The following SLC17A1 variants were observed in gnomAD, a reference collection of about 807,000 sequenced individuals.
SLC17A1 encodes solute carrier family 17 member 1.
Under a neutral mutation model 53.5 loss-of-function variants are expected in SLC17A1, and 51 were observed. That is an observed-to-expected ratio of 0.95 (90% CI 0.76 to 1.20). SLC17A1 has a LOEUF of 1.20. Ranked by LOEUF, SLC17A1 falls within the 50% of genes most tolerant of loss-of-function variation. The pLI is 0.00. For missense variants in SLC17A1, 538 were observed against 568.2 expected (o/e 0.95, Z 0.54); for synonymous variants, 179 against 198.8 (o/e 0.90, Z 0.84).
At chr6:25,805,699 C>G (rs1763928566) in intron 10 of SLC17A1, among the ~76,000 whole-genome samples, 1 of 151,902 alleles carries the variant, frequency 6.6e-6, no homozygotes, top group African/African-American at 2.4e-5. Flanking sequence ...GTAACTAATA[C>G]TACAGAAATA....
At chr6:25,726,155 G>A in the SLC17A1 span, 2 of 1,556,808 alleles carry the variant, frequency 1.3e-6, no homozygotes, top group Middle Eastern at 1.7e-4. Flanking sequence ...GCTTTATGGT[G>A]GTGACTCTCA....
At chr6:25,733,423 A>G in the SLC17A1 span, among the ~76,000 whole-genome samples, 1 of 152,098 alleles carries the variant, frequency 6.6e-6, no homozygotes, top group Non-Finnish European at 1.5e-5. Context: ...GCATATCTAA[A>G]CATACTCCTA....
At chr6:25,740,967 G>T in the SLC17A1 span, among the ~76,000 whole-genome samples, 1 of 152,178 alleles carries the variant, frequency 6.6e-6, no homozygotes, top group African/African-American at 2.4e-5. Context: ...AGCTAAAAAA[G>T]TTGATCTCAT....
At chr6:25,805,383 G>A (rs974294723) in intron 10 of SLC17A1, among the ~76,000 whole-genome samples, 6 of 152,002 alleles carry the variant, frequency 3.9e-5, no homozygotes, top group African/African-American at 1.4e-4. Flanking sequence ...GCAATGCTAA[G>A]AGGAAAGTTT....
At chr6:25,738,051 C>A in the SLC17A1 span, among the ~76,000 whole-genome samples, 1 of 152,144 alleles carries the variant, frequency 6.6e-6, no homozygotes, top group African/African-American at 2.4e-5. Flanking sequence ...CCTATATTCA[C>A]AGATGATATG....
At chr6:25,823,349 G>A (rs1764631601) in intron 3 of SLC17A1, among the ~76,000 whole-genome samples, 1 of 152,130 alleles carries the variant, frequency 6.6e-6, no homozygotes, top group Non-Finnish European at 1.5e-5. Flanking sequence ...TGGAATGGCT[G>A]TCTCATATGG....
chr6:25,762,101 G>A, the SLC17A1 span: 544 of 1,527,830 alleles, frequency 3.6e-4, no homozygotes, highest in Non-Finnish European at 4.7e-4. Context: ...TAGGATCTGT[G>A]GCACTGTAAC....
rs763715410 is a variant in SLC17A1, at chr6:25,811,398, C to A, written c.1178G>T (p.Arg393Ile). The A allele has an allele frequency of 3.1e-6, 5 of 1,608,198 alleles. No homozygotes were observed. The South Asian group carries it at 5.6e-5, about 18-fold the overall frequency. ...VFINGLDIAPRYFGFIKACST... is the reference protein window; with the variant it reads ...VFINGLDIAPIYFGFIKACST... ...AAAAAAGCGTATAAACAAATCCTAC[C>A]TGGGAGCAATATCCAAGCCATTTAT... Residue 393 changes from arginine to isoleucine, a missense_variant and splice_region_variant, in exon 10 of 13, where the codon AGA becomes ATA. Transcript: ENST00000244527.
chr6:25,777,800 G>C, the SLC17A1 span: 1 of 715,866 alleles, frequency 1.4e-6, no homozygotes, highest in Non-Finnish European at 2.4e-6. Context: ...TAAGCACAGA[G>C]TTGCAGCAGA....
At chr6:25,735,540 A>G in the SLC17A1 span, among the ~76,000 whole-genome samples, 1 of 152,108 alleles carries the variant, frequency 6.6e-6, no homozygotes, top group Non-Finnish European at 1.5e-5. Flanking sequence ...TACCCAAACC[A>G]TACAGTAGAG....
Position 25,811,561 on chromosome 6 carries a change from G to A in SLC17A1, c.1031-16C>T, listed in dbSNP as rs985765212. ...AGGAGAAATCCTGGGGAGTGATTCAGACAACATAGTCAGGTGCATCCTAAA... is the reference window on the plus strand; with the variant it reads ...AGGAGAAATCCTGGGGAGTGATTCAAACAACATAGTCAGGTGCATCCTAAA... On this transcript the variant is annotated splice_polypyrimidine_tract_variant and intron_variant, in intron 9 of 12. Coordinates refer to ENST00000244527, the MANE Select transcript of SLC17A1 (RefSeq NM_005074.5). 1.5e-5 allele frequency: 25 copies of A among 1,613,554 alleles called. No individual in the cohort carries two copies. Among genetic ancestry groups the A allele is most frequent in the Non-Finnish European group, 1.9e-5 (22 of 1,179,772 alleles).
At chr6:25,800,816 A>T in intron 11 of SLC17A1, 74 bp downstream of exon 11, 1 of 957,748 alleles carries the variant, frequency 1.0e-6, no homozygotes, top group Non-Finnish European at 1.6e-6. Flanking sequence ...TCTTCTCTGC[A>T]ATTTTTCATA....
downstream of SLC17A1, among the ~76,000 whole-genome samples, chr6:25,778,311 A>G (rs1422509282): frequency 2.6e-5 from 4 of 151,834 alleles, no homozygotes; most frequent in East Asian, 7.7e-4. Context: ...GAAAAACCAC[A>G]GGAAAGTTAA....
the SLC17A1 span, among the ~76,000 whole-genome samples, chr6:25,748,005 G>C: frequency 2.0e-5 from 3 of 152,162 alleles, no homozygotes; most frequent in South Asian, 2.1e-4. Context: ...AAATTTGCTA[G>C]AAGGGCATAT....
intron 10 of SLC17A1, among the ~76,000 whole-genome samples, chr6:25,805,193 A>G (rs371522088): frequency 2.6e-5 from 4 of 152,112 alleles, no homozygotes; most frequent in East Asian, 1.9e-4. Flanking sequence ...TAAAAATTAT[A>G]TCAAGTATCT....
At chr6:25,824,050 TA>T (rs1764655564) in intron 3 of SLC17A1, among the ~76,000 whole-genome samples, 2 of 151,862 alleles carry the variant, frequency 1.3e-5, no homozygotes. Context: ...CATCCATATG[TA>T]AAAAAAGATA....
chr6:25,788,737 G>C (rs1478375023), intron 12 of SLC17A1, among the ~76,000 whole-genome samples: 2 of 152,156 alleles, frequency 1.3e-5, no homozygotes, highest in Non-Finnish European at 2.9e-5. Flanking sequence ...ATCCACAAGG[G>C]GGCATCAGAG....
chr6:25,784,910 C>T (rs1273478505), intron 12 of SLC17A1, among the ~76,000 whole-genome samples: 2 of 152,092 alleles, frequency 1.3e-5, no homozygotes, highest in Non-Finnish European at 2.9e-5. Context: ...GGGTTCTATA[C>T]AGGGCAATTA....
chr6:25,788,053 C>A (rs553333351), intron 12 of SLC17A1, among the ~76,000 whole-genome samples: 1 of 152,046 alleles, frequency 6.6e-6, no homozygotes, highest in Non-Finnish European at 1.5e-5. Flanking sequence ...TCTGTAACAC[C>A]CTTGGCCCTT....
Sources: allele counts gnomAD v4.1 joint callset (sites outside exome capture counted in the v4.1 genomes callset), GRCh38; gene constraint gnomAD v4.1.1; transcripts MANE v1.5; gene names NCBI Gene and HGNC (gene_info 2026-07-23, HGNC 2026-07-21).